FAM221A: variants seen among roughly 807,000 people sequenced by gnomAD.
FAM221A encodes the protein family with sequence similarity 221 member A, also known as protein FAM221A.
A neutral mutation model predicts 37.6 loss-of-function variants in FAM221A; 43 were observed. The observed-to-expected ratio is 1.15, with a 90% CI of 0.90 to 1.48. The LOEUF is 1.48. FAM221A is among the 40% of genes most tolerant of loss of function. FAM221A has a pLI of 0.00. For missense variants in FAM221A, 361 were observed against 361.5 expected (o/e 1.00, Z 0.01); for synonymous variants, 135 against 132.9 (o/e 1.02, Z -0.11).
chr7:23,683,321 C>T (rs1278566461), intron 1 of FAM221A, among the ~76,000 whole-genome samples: 1 of 152,264 alleles, frequency 6.6e-6, no homozygotes, highest in East Asian at 1.9e-4. Flanking sequence ...CTGAAATTAA[C>T]CCATGATAAA....
At position 23,684,691 on chromosome 7, in the gene FAM221A, A is replaced by G; in HGVS notation, c.239+19A>G. The stretch of plus-strand genomic sequence containing the variant: ...CACATAGGTAAGATACTTTATTGCA[A>G]AGTTTTTTGATAATTAGAAAATAAA... On this transcript the variant is annotated intron_variant, in intron 2 of 6. Transcript: ENST00000344962. 6.4e-7 allele frequency: 1 copy of G among 1,568,854 alleles called. No individual in the cohort carries two copies. Among genetic ancestry groups the G allele is most frequent in the Non-Finnish European group, 8.6e-7 (1 of 1,161,152 alleles).
At chr7:23,685,118 A>G (rs1415610319) in intron 2 of FAM221A, among the ~76,000 whole-genome samples, 1 of 152,100 alleles carries the variant, frequency 6.6e-6, no homozygotes, top group Non-Finnish European at 1.5e-5. Context: ...GCGTGGTGGC[A>G]CACGCCTGTA....
intron 2 of FAM221A, among the ~76,000 whole-genome samples, chr7:23,685,608 A>G (rs1362628701): frequency 6.6e-6 from 1 of 152,182 alleles, no homozygotes; most frequent in Non-Finnish European, 1.5e-5. Context: ...TTTCTCCTCA[A>G]ATTTACTAAT....
intron 6 of FAM221A, among the ~76,000 whole-genome samples, chr7:23,701,430 G>A (rs1785448939): frequency 6.6e-6 from 1 of 151,824 alleles, no homozygotes; most frequent in Non-Finnish European, 1.5e-5. Flanking sequence ...TAGTAGAGAC[G>A]GGGTTTCACT....
intron 1 of FAM221A, among the ~76,000 whole-genome samples, chr7:23,682,280 C>T (rs1285680272): frequency 6.6e-6 from 1 of 151,600 alleles, no homozygotes; most frequent in African/African-American, 2.4e-5. Context: ...TGCCCAGGCT[C>T]ATCTTGAGAT....
In FAM221A at chr7:23,702,256, A is replaced by C. The variant is rs1057088972; in HGVS notation, c.*92A>C. ...CAGTTTATTTTTCCTGAAATTATTT[A>C]CTTTTTTTTTTTACTGTATAAATGT... On this transcript the variant is annotated 3_prime_UTR_variant, in exon 7 of 7. Transcript: ENST00000344962. The C allele has an allele frequency of 1.1e-5, 9 of 795,342 alleles. No homozygotes were observed. Among genetic ancestry groups the C allele is most frequent in the Non-Finnish European group, 1.5e-5 (8 of 546,998 alleles). 49.3% of individuals were successfully genotyped at this position (795,342 alleles called of 1,614,324 possible). A position where few individuals can be genotyped will look rare whatever the true frequency, so the allele number is the denominator to read the frequency against.
intron 2 of FAM221A, chr7:23,687,679 T>C (rs1429079427): frequency 1.4e-5 from 2 of 146,710 alleles, no homozygotes; most frequent in African/African-American, 5.2e-5. Flanking sequence ...GAGCCTCGCC[T>C]GTTGCCCAGG....
intron 2 of FAM221A, 107 bp downstream of exon 2, chr7:23,684,779 T>C: frequency 1.9e-6 from 2 of 1,057,278 alleles, no homozygotes; most frequent in Non-Finnish European, 2.7e-6. Context: ...AATTGTCCTT[T>C]ATATAGTAGA....
chr7:23,686,448 A>T, intron 2 of FAM221A: 1 of 304,112 alleles, frequency 3.3e-6, no homozygotes. Flanking sequence ...ATTTTTTTGT[A>T]GAGAAGTGGT....
chr7:23,680,598 A>G, intron 1 of FAM221A: 2 of 351,578 alleles, frequency 5.7e-6, no homozygotes, highest in Non-Finnish European at 1.0e-5. Context: ...AAACAGGCAC[A>G]TCGAGTACTC....
Position 23,702,632 on chromosome 7 carries a change from T to C in FAM221A, c.*468T>C, listed in dbSNP as rs1452159988. On this transcript the variant is annotated 3_prime_UTR_variant, in exon 7 of 7. Transcript: ENST00000344962. ...ATGTTATGTTTTCAAATAAAAACTA[T>C]CTCAAAATTTTACAACCATTTTCTA... The C allele has an allele frequency of 1.3e-5, 2 of 151,510 alleles. No individual in the cohort carries two copies. The highest frequency in any genetic ancestry group is 2.9e-5 in the Non-Finnish European group (2 of 67,922). The allele number at this position is 151,510 out of a possible 1,614,324, so 9.4% of individuals were successfully genotyped here.
At chr7:23,698,785 A>C (rs953893758) in intron 5 of FAM221A, among the ~76,000 whole-genome samples, 3 of 152,234 alleles carry the variant, frequency 2.0e-5, no homozygotes, top group African/African-American at 4.8e-5. Flanking sequence ...TTTAAAATTT[A>C]GTATTTTAGA....
chr7:23,695,533 T>G (rs1267403862), intron 4 of FAM221A, among the ~76,000 whole-genome samples: 1 of 152,128 alleles, frequency 6.6e-6, no homozygotes, highest in Non-Finnish European at 1.5e-5. Flanking sequence ...CCACCATGCC[T>G]GGCTAATTTT....
chr7:23,693,975 A>G (rs559520462), intron 4 of FAM221A: 30 of 152,226 alleles, frequency 2.0e-4, no homozygotes, highest in Middle Eastern at 3.4e-3. Flanking sequence ...TATTTGTCCT[A>G]ATGCCCTCCC....
chr7:23,681,203 A>G lies in FAM221A; in HGVS notation c.65+920A>G, dbSNP rs986424624. Among the ~76,000 whole-genome samples the G allele has an allele frequency of 2.6e-5, 4 of 152,320 alleles. No individual in the cohort carries two copies. In the East Asian group the frequency reaches 5.8e-4, roughly 22 times the overall value. ...CAGTTCCCACGCCCGGTTCAGGGTCAGAACAACCACCATCCCGTCCTCTCC... is the reference window on the plus strand; with the variant it reads ...CAGTTCCCACGCCCGGTTCAGGGTCGGAACAACCACCATCCCGTCCTCTCC... On this transcript the variant is annotated intron_variant, in intron 1 of 6. Coordinates refer to ENST00000344962, the MANE Select transcript of FAM221A (RefSeq NM_199136.5).
intron 4 of FAM221A, among the ~76,000 whole-genome samples, chr7:23,695,096 G>A (rs1170257397): frequency 6.6e-6 from 1 of 152,094 alleles, no homozygotes; most frequent in East Asian, 1.9e-4. Flanking sequence ...AACCTCCCGA[G>A]TAGCTGTGCC....
Position 23,702,142 on chromosome 7 carries a change from C to T in FAM221A, c.875C>T (p.Pro292Leu). 2 of 1,599,550 alleles carry T rather than the reference C, an allele frequency of 1.3e-6. No individual in the cohort carries two copies. Among genetic ancestry groups the T allele is most frequent in the Non-Finnish European group, 1.7e-6 (2 of 1,172,746 alleles). ...AAKWKGKAPL[P>L]SATKPS ...AAGTGGAAAGGAAAAGCTCCATTGCCATCAGCTACAAAACCTTCATGAAGA... is the reference window on the plus strand; with the variant it reads ...AAGTGGAAAGGAAAAGCTCCATTGCTATCAGCTACAAAACCTTCATGAAGA... Residue 292 changes from proline (P) to leucine (L), a missense_variant, in exon 7 of 7, where the codon CCA (proline) becomes CTA (leucine). Physicochemically the swap from Pro to Leu is moderately conservative, Grantham distance 98. Coordinates refer to ENST00000344962, the MANE Select transcript of FAM221A (RefSeq NM_199136.5).
intron 3 of FAM221A, among the ~76,000 whole-genome samples, chr7:23,690,199 A>ATATATATATATTTTTT (rs774313037): frequency 4.7e-4 from 23 of 48,734 alleles, no homozygotes; most frequent in South Asian, 1.2e-3. Flanking sequence ...ATATATATAT[A>ATATATATATATTTTTT]TTTTTTTTTT....
chr7:23,691,320 AG>A, intron 3 of FAM221A, 69 bp from the exon 4 acceptor site: 2 of 1,490,256 alleles, frequency 1.3e-6, no homozygotes, highest in Non-Finnish European at 1.9e-6. Context: ...GGCTTTTGCC[AG>A]GCTAAGTGTC....
Sources: allele counts gnomAD v4.1 joint callset (sites outside exome capture counted in the v4.1 genomes callset), GRCh38; gene constraint gnomAD v4.1.1; transcripts MANE v1.5; gene names NCBI Gene and HGNC (gene_info 2026-07-23, HGNC 2026-07-21).